Variants in SLC38A8 observed in about 807,000 individuals in gnomAD.
SLC38A8 encodes the protein amino acid transporter SLC38A8.
Under a neutral mutation model 46.0 loss-of-function variants are expected in SLC38A8, and 65 were observed. The ratio of observed to expected loss-of-function variants is 1.41; its 90% CI spans 1.16 to 1.74. SLC38A8 has a LOEUF of 1.74. Among genes scored for constraint, SLC38A8 ranks in the 40% most tolerant of loss-of-function variants. The pLI is 0.00. For missense variants in SLC38A8, 998 were observed against 567.9 expected, an observed-to-expected ratio of 1.76 and a Z score of -7.70; for synonymous variants, 447 against 243.7, an observed-to-expected ratio of 1.83 and a Z score of -7.77.
intron 10 of SLC38A8, among the ~76,000 whole-genome samples, chr16:84,011,858 G>A (rs11862976): frequency 5.3e-5 from 8 of 151,888 alleles, no homozygotes; most frequent in Admixed American, 5.2e-4. Flanking sequence ...CACTCCAGCC[G>A]GAGCAACAGA....
At chr16:84,014,603 C>A (rs1417944048) in intron 9 of SLC38A8, among the ~76,000 whole-genome samples, 1 of 152,244 alleles carries the variant, frequency 6.6e-6, no homozygotes, top group Non-Finnish European at 1.5e-5. Flanking sequence ...CCACTCCCCT[C>A]ACCTCTGAGA....
In SLC38A8 at chr16:84,042,083, G is replaced by A. The variant is rs772150744; in HGVS notation, c.75C>T (p.Ser25=). The A allele has an allele frequency of 5.6e-6, 9 of 1,614,090 alleles. No homozygotes were observed. Among genetic ancestry groups the A allele is most frequent in the South Asian group, 3.3e-5 (3 of 91,080 alleles). The change falls in exon 2 of 11, where the codon TCC becomes TCT. Residue 25 remains serine (S), a synonymous_variant. Coordinates refer to ENST00000299709, the MANE Select transcript of SLC38A8 (RefSeq NM_001080442.3). The stretch of plus-strand genomic sequence containing the variant: ...TGAGGATGAAGACAGCGCCCATCGA[G>A]GACAGAGTGGCAGCAGCCGTGGCAG... ...PHPATAAATL[S]SMGAVFILMK...
At chr16:84,013,317 T>A (rs79936773) in intron 9 of SLC38A8, among the ~76,000 whole-genome samples, 6,415 of 151,518 alleles carry the variant, frequency 0.042, 188 homozygotes, top group South Asian at 0.093. Flanking sequence ...CTTGACAACA[T>A]GCCCCCCCAC....
At chr16:84,029,199 G>A (rs2085206553) in intron 6 of SLC38A8, among the ~76,000 whole-genome samples, 3 of 152,100 alleles carry the variant, frequency 2.0e-5, no homozygotes, top group South Asian at 2.1e-4. Flanking sequence ...GACAGGTCCC[G>A]GGTCCCCACA....
intron 7 of SLC38A8, among the ~76,000 whole-genome samples, chr16:84,018,223 C>CTTTTTT (rs796178053): frequency 3.8e-5 from 3 of 79,904 alleles, no homozygotes; most frequent in Non-Finnish European, 6.5e-5. Context: ...GCCCTCATTC[C>CTTTTTT]TTTTTTTTTT....
chr16:84,020,632 G>A (rs1021863311), intron 7 of SLC38A8, among the ~76,000 whole-genome samples: 1 of 152,188 alleles, frequency 6.6e-6, no homozygotes, highest in Non-Finnish European at 1.5e-5. Context: ...GGATCTCTGT[G>A]CCAGGGTCCC....
intron 6 of SLC38A8, 26 bp from the exon 7 acceptor site, chr16:84,022,915 G>T: frequency 6.5e-7 from 1 of 1,528,064 alleles, no homozygotes; most frequent in Non-Finnish European, 8.8e-7. Context: ...CGGCTCAGCA[G>T]GATGCTGGCT....
At chr16:84,038,038 C>T (rs555579747) in intron 2 of SLC38A8, among the ~76,000 whole-genome samples, 1 of 151,642 alleles carries the variant, frequency 6.6e-6, no homozygotes, top group Non-Finnish European at 1.5e-5. Context: ...AGGCCAGGTG[C>T]TATGGCTCAC....
Position 84,022,884 on chromosome 16 carries a change from G to T in SLC38A8, c.696C>A (p.His232Gln). 6.2e-7 allele frequency: 1 copy of T among 1,602,134 alleles called. No homozygotes were observed. The highest frequency in any genetic ancestry group is 8.5e-7 in the Non-Finnish European group (1 of 1,175,232). The change falls in exon 7 of 11, where the codon CAC becomes CAA. Residue 232 changes from histidine (H) to glutamine (Q), a missense_variant. By Grantham distance (24) the His-to-Gln change is conservative. Coordinates refer to ENST00000299709, the MANE Select transcript of SLC38A8 (RefSeq NM_001080442.3). ...FPTICFGFQC[H>Q]EAAVSIYCSM... is the part of the protein sequence containing the mutation. ...TGCAGTAGATGGAGACGGCAGCTTC[G>T]TGACACTGTAAGACAGAGGGCGGCT... is the stretch of plus-strand genomic sequence containing the variant.
At chr16:84,038,996 G>GA (rs532167791) in intron 2 of SLC38A8, among the ~76,000 whole-genome samples, 65 of 152,190 alleles carry the variant, frequency 4.3e-4, no homozygotes, top group Admixed American at 3.5e-3. Flanking sequence ...TTAATTAAGT[G>GA]AAAAAGGGGT....
At chr16:84,035,457 T>C (rs1293896584) in intron 3 of SLC38A8, among the ~76,000 whole-genome samples, 1 of 152,156 alleles carries the variant, frequency 6.6e-6, no homozygotes, top group East Asian at 1.9e-4. Flanking sequence ...CACATGCCAA[T>C]TAAAAGTCTA....
chr16:84,034,298 C>T (rs2085278138), intron 3 of SLC38A8, among the ~76,000 whole-genome samples: 1 of 152,260 alleles, frequency 6.6e-6, no homozygotes, highest in African/African-American at 2.4e-5. Flanking sequence ...GCCATCCAGG[C>T]ACACCTAATT....
rs557586540 is a variant in SLC38A8 at position 84,022,869 on chromosome 16, G to C, written c.711C>G (p.Ser237=). Residue 237 remains serine, a synonymous_variant, in exon 7 of 11, where the codon TCC becomes TCG. Transcript: ENST00000299709. ...FGFQCHEAAV[S]IYCSMRKRSL... ...TCCGTTTGCGCATGCTGCAGTAGAT[G>C]GAGACGGCAGCTTCGTGACACTGTA... 5 of 1,606,724 alleles carry C rather than the reference G, an allele frequency of 3.1e-6. No homozygotes were observed. In the Admixed American group the frequency reaches 8.6e-5, roughly 28 times the overall value.
At chr16:84,025,360 G>A (rs913482468) in intron 6 of SLC38A8, among the ~76,000 whole-genome samples, 1 of 152,120 alleles carries the variant, frequency 6.6e-6, no homozygotes, top group Non-Finnish European at 1.5e-5. Flanking sequence ...GCTACTGCTG[G>A]TCCCTCTGGC....
At chr16:84,025,871 A>G (rs1300763127) in intron 6 of SLC38A8, among the ~76,000 whole-genome samples, 1 of 152,204 alleles carries the variant, frequency 6.6e-6, no homozygotes, top group Admixed American at 6.5e-5. Flanking sequence ...CTCTGGCCCC[A>G]GGTTTCCTGT....
intron 7 of SLC38A8, among the ~76,000 whole-genome samples, chr16:84,020,150 T>C (rs887808410): frequency 6.6e-6 from 1 of 151,786 alleles, no homozygotes; most frequent in African/African-American, 2.4e-5. Context: ...TGTTTTTTTT[T>C]TTTTTTTTGA....
chr16:84,022,593 C>T (rs549132506), intron 7 of SLC38A8, among the ~76,000 whole-genome samples, 182 bp downstream of exon 7: 1 of 152,200 alleles, frequency 6.6e-6, no homozygotes, highest in Non-Finnish European at 1.5e-5. Context: ...GGCACCTGAG[C>T]CTCAGCTTCC....
In SLC38A8 at chr16:84,033,429, C is replaced by T. The variant is rs2085268518; in HGVS notation, c.429G>A (p.Gln143=). 3 of 1,611,918 alleles carry T rather than the reference C, an allele frequency of 1.9e-6. No individual in the cohort carries two copies. In the African/African-American group the frequency reaches 4.0e-5, roughly 22 times the overall value. The stretch of plus-strand genomic sequence containing the variant: ...TGAAGCGCTGGTCTGCGTACCACGG[C>T]TGCGGGGCGGGCGGGGTGCCAGACA... ...SLLSGTPPAP[Q]PWYADQRFTL... Residue 143 remains glutamine (Q), a synonymous_variant, in exon 4 of 11, where the codon CAG becomes CAA. Coordinates refer to ENST00000299709, the MANE Select transcript of SLC38A8 (RefSeq NM_001080442.3).
intron 10 of SLC38A8, among the ~76,000 whole-genome samples, chr16:84,012,564 A>G (rs1458504467): frequency 2.0e-5 from 3 of 152,182 alleles, no homozygotes; most frequent in African/African-American, 7.2e-5. Flanking sequence ...GTGAACATGT[A>G]AAAGGACCTA....
Sources: allele counts gnomAD v4.1 joint callset (sites outside exome capture counted in the v4.1 genomes callset), GRCh38; gene constraint gnomAD v4.1.1; transcripts MANE v1.5; gene names NCBI Gene and HGNC (gene_info 2026-07-23, HGNC 2026-07-21).